The following FRY variants were observed in gnomAD, a reference collection of about 807,000 sequenced individuals.
FRY encodes the protein FRY microtubule binding protein.
A neutral mutation model predicts 348.4 loss-of-function variants in FRY; 128 were observed. That is an observed-to-expected ratio of 0.37 (90% CI 0.32 to 0.43). FRY has a LOEUF of 0.43. Among genes scored for constraint, FRY ranks in the 20% least tolerant of loss-of-function variants. The pLI is 1.00. For missense variants in FRY, 2,736 were observed against 3,695.2 expected (o/e 0.74, Z 6.73); for synonymous variants, 1,370 against 1,374.7 (o/e 1.00, Z 0.08).
chr13:32,278,803 A>G (rs1215114850), intron 58 of FRY, among the ~76,000 whole-genome samples: 1 of 152,220 alleles, frequency 6.6e-6, no homozygotes, highest in African/African-American at 2.4e-5. Flanking sequence ...GTCTAACTAT[A>G]CTAATAATTT....
In FRY at chr13:32,228,643, T is replaced by C. The variant is rs1885740198; in HGVS notation, c.5394T>C (p.Phe1798=). The part of the protein sequence containing the change: ...TDEKANKLIE[F]LTTRAFGPLW... Reference sequence around the variant, plus strand: ...AGAAGGCAAACAAGCTCATTGAGTTTCTCACGACCAGGTAATAAGGGGTTA... The same window carrying C: ...AGAAGGCAAACAAGCTCATTGAGTTCCTCACGACCAGGTAATAAGGGGTTA... The change falls in exon 40 of 61, where the codon TTT becomes TTC. Residue 1798 remains phenylalanine, a synonymous_variant. Transcript: ENST00000542859. 27 of 1,614,076 alleles carry C rather than the reference T, an allele frequency of 1.7e-5. No individual in the cohort carries two copies. In the East Asian group the frequency reaches 6.0e-4, roughly 36 times the overall value.
At position 32,131,832 on chromosome 13, in the gene FRY, T is replaced by A; in HGVS notation, c.877T>A (p.Phe293Ile). Residue 293 changes from phenylalanine (F) to isoleucine (I), a missense_variant, in exon 8 of 61, where the codon TTT (phenylalanine) becomes ATT (isoleucine). This residue lies in a region of FRY where 309 missense variants were observed against 418.1 expected (regional missense o/e 0.74). Transcript: ENST00000542859. The stretch of plus-strand genomic sequence containing the variant: ...GGAGGATTTTGAGGCCTCTCTTCAG[T>A]TTATGCAGGTAATGTCTTAGGCAGG... ...PVEDFEASLQ[F>I]MQECAHYFLE... is the part of the protein sequence containing the mutation. 6.2e-7 allele frequency: 1 copy of A among 1,612,854 alleles called. No homozygotes were observed. The highest frequency in any genetic ancestry group is 8.5e-7 in the Non-Finnish European group (1 of 1,178,848).
chr13:32,115,745 C>G (rs1878261997), intron 3 of FRY, among the ~76,000 whole-genome samples: 1 of 151,344 alleles, frequency 6.6e-6, no homozygotes, highest in Non-Finnish European at 1.5e-5. Context: ...CTAAAATAGT[C>G]CCAGGTAAAC....
In FRY at chr13:32,239,953, T is replaced by G. The variant is rs1886416309; in HGVS notation, c.6687+72T>G. The G allele has an allele frequency of 7.4e-7, 1 of 1,350,146 alleles. No individual in the cohort carries two copies. The highest frequency in any genetic ancestry group is 1.0e-6 in the Non-Finnish European group (1 of 961,348). The allele number at this position is 1,350,146 out of a possible 1,614,324, so 83.6% of individuals were successfully genotyped here. Reference sequence around the variant, plus strand: ...CCCAGGCTGATCTCAACTCTTGGGCTCAAGCAGTCCTCCTGCCTTCGCCTC... The same window carrying G: ...CCCAGGCTGATCTCAACTCTTGGGCGCAAGCAGTCCTCCTGCCTTCGCCTC... On this transcript the variant is annotated intron_variant, in intron 46 of 60. Coordinates refer to ENST00000542859, the MANE Select transcript of FRY (RefSeq NM_023037.3). The surrounding 1 kb of genome is among the most constrained non-coding windows in gnomAD (Gnocchi z 4.3).
intron 18 of FRY, among the ~76,000 whole-genome samples, chr13:32,172,365 A>G (rs573648314): frequency 6.6e-6 from 1 of 152,248 alleles, no homozygotes; most frequent in South Asian, 2.1e-4. Context: ...ATTGATATGG[A>G]TATGGATGTG....
In FRY at chr13:32,267,175, GAGA is replaced by G; in HGVS notation, c.7955_7957del (p.Glu2652del). 1 of 1,613,710 alleles carries G rather than the reference GAGA, an allele frequency of 6.2e-7. No individual in the cohort carries two copies. Among genetic ancestry groups the G allele is most frequent in the South Asian group, 1.1e-5 (1 of 91,082 alleles). On this transcript the variant is annotated inframe_deletion, in exon 55 of 61. Transcript: ENST00000542859. ...GTCGTTTTCATTTTTTCCAGCTTTGGAGAAGGTGACAGGGGAGTCTCTCCCCCT... is the reference window on the plus strand; with the variant it reads ...GTCGTTTTCATTTTTTCCAGCTTTGGAGGTGACAGGGGAGTCTCTCCCCCT...
At chr13:32,140,937 T>A (rs1880026009) in intron 11 of FRY, among the ~76,000 whole-genome samples, 1 of 152,206 alleles carries the variant, frequency 6.6e-6, no homozygotes. Flanking sequence ...ATATATGGCA[T>A]TTATTTTAAA....
intron 1 of FRY, among the ~76,000 whole-genome samples, chr13:32,074,140 A>G (rs1167846236): frequency 6.6e-6 from 1 of 152,254 alleles, no homozygotes; most frequent in African/African-American, 2.4e-5. Context: ...CCCTAAAAGT[A>G]TAAAATAGAC....
intron 28 of FRY, among the ~76,000 whole-genome samples, chr13:32,189,667 G>A (rs907093308): frequency 3.3e-5 from 5 of 151,840 alleles, no homozygotes; most frequent in African/African-American, 7.2e-5. Flanking sequence ...AAAAAAAGAA[G>A]ACTATAAAAC....
In FRY at chr13:32,237,607, C is replaced by T. The variant is rs765007552; in HGVS notation, c.6039C>T (p.Gly2013=). The T allele has an allele frequency of 6.2e-7, 1 of 1,613,984 alleles. No homozygotes were observed. The highest frequency in any genetic ancestry group is 1.3e-5 in the African/African-American group (1 of 74,906). ...GAATTCAGGCTTGTACCCAACAAGGCCTCTCCTCAAAAACCAGAAGCTCAT... is the reference window on the plus strand; with the variant it reads ...GAATTCAGGCTTGTACCCAACAAGGTCTCTCCTCAAAAACCAGAAGCTCAT... The part of the protein sequence containing the change: ...LDRIQACTQQ[G]LSSKTRSSSS... Residue 2013 remains glycine, a synonymous_variant, in exon 44 of 61, where the codon GGC becomes GGT. Transcript: ENST00000542859. The surrounding 1 kb of genome is among the most constrained non-coding windows in gnomAD (Gnocchi z 6.3).
chr13:32,176,950 G>T (rs1882395575), intron 20 of FRY, among the ~76,000 whole-genome samples: 1 of 152,200 alleles, frequency 6.6e-6, no homozygotes, highest in African/African-American at 2.4e-5. Context: ...TCAGGTCACA[G>T]GCTTTGGGCA....
At chr13:32,279,435 G>A (rs1888709110) in intron 58 of FRY, among the ~76,000 whole-genome samples, 1 of 152,236 alleles carries the variant, frequency 6.6e-6, no homozygotes, top group African/African-American at 2.4e-5. Flanking sequence ...AGGTTGAGAA[G>A]AGTCTGGAGA....
At chr13:32,257,867 G>GTGT in intron 51 of FRY, 1 of 1,022,684 alleles carries the variant, frequency 9.8e-7, no homozygotes, top group Non-Finnish European at 1.6e-6. Flanking sequence ...GGTTAATGTT[G>GTGT]TGTTAACACT....
chr13:32,124,846 A>G lies in FRY; in HGVS notation c.687A>G (p.Ala229=). ...GNMHIVADLY[A]EVIGVLAQAK... ...TGCATATTGTGGCAGACCTGTATGC[A>G]GAAGTCATTGGAGTGTTGGCACAAG... The change falls in exon 7 of 61, where the codon GCA becomes GCG. Residue 229 remains alanine, a synonymous_variant. Coordinates refer to ENST00000542859, the MANE Select transcript of FRY (RefSeq NM_023037.3). 6.2e-7 allele frequency: 1 copy of G among 1,613,228 alleles called. No homozygotes were observed. The highest frequency in any genetic ancestry group is 8.5e-7 in the Non-Finnish European group (1 of 1,179,108).
At chr13:32,097,691 T>C (rs1385565541) in intron 2 of FRY, among the ~76,000 whole-genome samples, 1 of 151,992 alleles carries the variant, frequency 6.6e-6, no homozygotes, top group African/African-American at 2.4e-5. Context: ...ATTGGAGCTG[T>C]AGTATTAGCT....
intron 1 of FRY, among the ~76,000 whole-genome samples, chr13:32,056,893 C>T (rs919834253): frequency 1.3e-5 from 2 of 151,794 alleles, no homozygotes; most frequent in Non-Finnish European, 2.9e-5. Flanking sequence ...GTTCTAAAAC[C>T]TCAGTTTAGA....
In FRY at chr13:32,254,249, T is replaced by C; in HGVS notation, c.7271T>C (p.Leu2424Pro). The C allele has an allele frequency of 6.2e-7, 1 of 1,614,112 alleles. No individual in the cohort carries two copies. Among genetic ancestry groups the C allele is most frequent in the Non-Finnish European group, 8.5e-7 (1 of 1,180,014 alleles). ...PSVIFSSCGDLDLLEHQTSLV... is the reference protein window; with the variant it reads ...PSVIFSSCGDPDLLEHQTSLV... ...GTGATTTTTTCATCGTGTGGGGATC[T>C]GGATCTGCTTGAGCACCAGACAAGC... is the stretch of plus-strand genomic sequence containing the variant. The change falls in exon 51 of 61, where the codon CTG becomes CCG. Residue 2424 changes from leucine to proline, a missense_variant. Leu to Pro is a moderately conservative substitution (Grantham distance 98). Around this residue, in one of 9 missense-constraint regions of FRY, gnomAD observed 789 missense variants for 996.2 expected, o/e 0.79. Coordinates refer to ENST00000542859, the MANE Select transcript of FRY (RefSeq NM_023037.3).
intron 14 of FRY, among the ~76,000 whole-genome samples, chr13:32,151,784 C>T (rs1421401999): frequency 6.6e-6 from 1 of 151,956 alleles, no homozygotes; most frequent in Non-Finnish European, 1.5e-5. Context: ...AACCTGAAGT[C>T]GGAGGTCTTA....
chr13:32,264,925 G>T (rs1261197469), intron 53 of FRY, among the ~76,000 whole-genome samples: 4 of 152,228 alleles, frequency 2.6e-5, no homozygotes, highest in Non-Finnish European at 5.9e-5. Context: ...AGGCCCTGAT[G>T]ATTCTACATT....
Sources: gnomAD v4.1 joint callset for allele counts (sites outside exome capture counted in the v4.1 genomes callset) on GRCh38, gnomAD v4.1.1 for gene constraint, gnomAD v4.1.1 regional missense constraint, Gnocchi (gnomAD v3.1) non-coding constraint, MANE v1.5 for transcripts, NCBI Gene and HGNC (gene_info 2026-07-23, HGNC 2026-07-21) for gene names.